USP32: variants seen among roughly 807,000 people sequenced by gnomAD.
USP32 encodes the protein ubiquitin specific peptidase 32, also known as ubiquitin carboxyl-terminal hydrolase 32.
A neutral mutation model predicts 204.8 loss-of-function variants in USP32; 59 were observed. The observed-to-expected ratio is 0.29, with a 90% CI of 0.23 to 0.36. The LOEUF (loss-of-function observed/expected upper bound fraction) is 0.36. Among genes scored for constraint, USP32 ranks in the 10% least tolerant of loss-of-function variants. The pLI is 1.00. For missense variants in USP32, 1,160 were observed against 1,946.4 expected (o/e 0.60, Z 7.60); for synonymous variants, 517 against 678.4 (o/e 0.76, Z 3.70).
At chr17:60,227,822 C>G (rs1377696791) in intron 12 of USP32, among the ~76,000 whole-genome samples, 2 of 151,898 alleles carry the variant, frequency 1.3e-5, no homozygotes, top group African/African-American at 4.8e-5. Context: ...TGTCTGTTAC[C>G]ACTGCTTCAC....
At chr17:60,255,035 G>A (rs1035948298) in intron 10 of USP32, 140 bp downstream of exon 10, 5 of 564,836 alleles carry the variant, frequency 8.9e-6, no homozygotes, top group Non-Finnish European at 1.5e-5. Context: ...TCTTTCAGAC[G>A]AGTAATGTAG....
At chr17:60,381,791 T>C (rs2089651550) in intron 1 of USP32, among the ~76,000 whole-genome samples, 1 of 152,224 alleles carries the variant, frequency 6.6e-6, no homozygotes, top group African/African-American at 2.4e-5. Flanking sequence ...TGACTGAATT[T>C]TTAGGGATGC....
intron 6 of USP32, among the ~76,000 whole-genome samples, chr17:60,269,766 A>C (rs2086682266): frequency 6.6e-6 from 1 of 152,194 alleles, no homozygotes; most frequent in Non-Finnish European, 1.5e-5. Flanking sequence ...AATACATTAC[A>C]ATCCTTTAGT....
intron 11 of USP32, among the ~76,000 whole-genome samples, chr17:60,242,571 T>C (rs1448034171): frequency 6.6e-6 from 1 of 152,126 alleles, no homozygotes; most frequent in Admixed American, 6.5e-5. Context: ...CCACCATGCC[T>C]GGCTAATTTT....
chr17:60,405,392 A>G (rs942539634), intron 1 of USP32, among the ~76,000 whole-genome samples: 1 of 151,902 alleles, frequency 6.6e-6, no homozygotes, highest in African/African-American at 2.4e-5. Context: ...TGTAGTAGAG[A>G]TGGGGTTTCA....
At position 60,318,446 on chromosome 17, in the gene USP32, G is replaced by A. The variant is rs187473146; in HGVS notation, c.187-16742C>T. 6.6e-5 allele frequency among the ~76,000 whole-genome samples: 10 copies of A among 152,338 alleles called. No homozygotes were observed. The East Asian group carries it at 1.9e-3, about 29-fold the overall frequency. ...GCATATTAACTGTGGTTAAGAAGCA[G>A]CAGGGAAAAGGACTTGTTCACATCT... On this transcript the variant is annotated intron_variant, in intron 2 of 33. Transcript: ENST00000300896.
At chr17:60,234,248 G>C (rs1007720583) in intron 12 of USP32, among the ~76,000 whole-genome samples, 39 of 151,418 alleles carry the variant, frequency 2.6e-4, no homozygotes, top group Admixed American at 2.6e-3. Context: ...CGAGTAGCTG[G>C]GACCATAGGC....
intron 1 of USP32, among the ~76,000 whole-genome samples, chr17:60,413,814 G>A (rs1051717894): frequency 8.5e-5 from 12 of 140,454 alleles, no homozygotes; most frequent in African/African-American, 3.2e-4. Context: ...GCAGTGAGCT[G>A]AGATCGCACC....
At chr17:60,230,393 A>C (rs960728725) in intron 12 of USP32, among the ~76,000 whole-genome samples, 1 of 152,234 alleles carries the variant, frequency 6.6e-6, no homozygotes, top group African/African-American at 2.4e-5. Flanking sequence ...CTGGCAAGAA[A>C]ACAGGATAAT....
chr17:60,238,434 G>A (rs1332454337), intron 11 of USP32, among the ~76,000 whole-genome samples: 3 of 152,132 alleles, frequency 2.0e-5, no homozygotes, highest in Non-Finnish European at 4.4e-5. Context: ...TTGGGAGGCT[G>A]AGGCAGGCGA....
intron 12 of USP32, among the ~76,000 whole-genome samples, chr17:60,234,586 C>T (rs1385431477): frequency 6.6e-6 from 1 of 151,256 alleles, no homozygotes; most frequent in Non-Finnish European, 1.5e-5. Context: ...AAAAATTAGC[C>T]GGGCGTGGTG....
intron 2 of USP32, among the ~76,000 whole-genome samples, chr17:60,313,318 C>T (rs1215490644): frequency 2.0e-5 from 3 of 152,054 alleles, no homozygotes; most frequent in Admixed American, 2.0e-4. Context: ...TTTTGAAAAA[C>T]TTTTCCTTCT....
intron 9 of USP32, among the ~76,000 whole-genome samples, chr17:60,256,017 T>TAATA (rs2086293318): frequency 6.6e-6 from 1 of 152,106 alleles, no homozygotes; most frequent in South Asian, 2.1e-4. Context: ...AACTGTCTTA[T>TAATA]AATCAAACAA....
intron 1 of USP32, among the ~76,000 whole-genome samples, chr17:60,419,374 G>A (rs571077950): frequency 6.6e-6 from 1 of 152,330 alleles, no homozygotes; most frequent in African/African-American, 2.4e-5. Flanking sequence ...AGAGTGGAGG[G>A]TGGGAGAAGT....
In USP32 at chr17:60,317,512, T is replaced by C. The variant is rs1248556087; in HGVS notation, c.187-15808A>G. Among the ~76,000 whole-genome samples, 4 of 139,594 alleles carry C rather than the reference T, an allele frequency of 2.9e-5. No homozygotes were observed. The East Asian group carries it at 8.5e-4, about 30-fold the overall frequency. The allele number at this position is 139,594 out of a possible 152,430, so 91.6% of individuals were successfully genotyped here. On this transcript the variant is annotated intron_variant, in intron 2 of 33. Coordinates refer to ENST00000300896, the MANE Select transcript of USP32 (RefSeq NM_032582.4). ...GCCTGGGTGACAGAGTGAGACCCTGTCTAAAAAAAAAAAAAAAAAAGTTAA... is the reference window on the plus strand; with the variant it reads ...GCCTGGGTGACAGAGTGAGACCCTGCCTAAAAAAAAAAAAAAAAAAGTTAA...
At position 60,265,420 on chromosome 17, in the gene USP32, T is replaced by C. The variant is rs1449814117; in HGVS notation, c.982A>G (p.Thr328Ala). Residue 328 changes from threonine to alanine, a missense_variant, in exon 9 of 34, where the codon ACC becomes GCC. Physicochemically the swap from Thr to Ala is moderately conservative, Grantham distance 58. Transcript: ENST00000300896. ...IVEGILNAHD[T>A]TKMGHLTLED... The stretch of plus-strand genomic sequence containing the variant: ...GTTCTATCTAGACTCACCTTTGTGG[T>C]GTCATGTGCATTCAGTATGCCTTCT... 6.2e-7 allele frequency: 1 copy of C among 1,602,938 alleles called. No individual in the cohort carries two copies.
intron 26 of USP32, among the ~76,000 whole-genome samples, chr17:60,198,931 T>C (rs1452977681): frequency 6.6e-6 from 1 of 152,096 alleles, no homozygotes; most frequent in Non-Finnish European, 1.5e-5. Flanking sequence ...ATGGGCAATG[T>C]AGGGAGACCC....
chr17:60,401,658 A>C (rs1456852425), intron 1 of USP32, among the ~76,000 whole-genome samples: 1 of 151,712 alleles, frequency 6.6e-6, no homozygotes, highest in African/African-American at 2.4e-5. Flanking sequence ...AGGCAGGTGG[A>C]TCACTTGAGG....
chr17:60,369,956 T>A (rs2089405242), intron 1 of USP32, among the ~76,000 whole-genome samples: 2 of 152,086 alleles, frequency 1.3e-5, no homozygotes, highest in Non-Finnish European at 2.9e-5. Flanking sequence ...CCTAGGCTAG[T>A]CTCGAACTCC....
Sources: gnomAD v4.1 joint callset for allele counts (sites outside exome capture counted in the v4.1 genomes callset) on GRCh38, gnomAD v4.1.1 for gene constraint, MANE v1.5 for transcripts, NCBI Gene and HGNC (gene_info 2026-07-23, HGNC 2026-07-21) for gene names.